The following SGCZ variants were observed in gnomAD, a reference collection of about 807,000 sequenced individuals.
SGCZ encodes the protein zeta-sarcoglycan.
Under a neutral mutation model 41.3 loss-of-function variants are expected in SGCZ, and 40 were observed. The ratio of observed to expected loss-of-function variants is 0.97; its 90% confidence interval spans 0.75 to 1.26. SGCZ has a LOEUF of 1.26. Among genes scored for constraint, SGCZ ranks in the 50% most tolerant of loss-of-function variants. SGCZ has a pLI of 0.00. For synonymous variants in SGCZ, 206 were observed against 137.5 expected (o/e 1.50, Z -3.49); for missense variants, 552 against 369.8 (o/e 1.49, Z -4.04).
intron 2 of SGCZ, among the ~76,000 whole-genome samples, chr8:14,505,237 T>C (rs781525303): frequency 2.8e-4 from 42 of 152,140 alleles, no homozygotes; most frequent in Non-Finnish European, 4.6e-4. Flanking sequence ...TTTATTGAAG[T>C]TGTCAAGTAC....
rs181967846 is a variant in SGCZ, at chr8:14,210,835, A to G, written c.424+26757T>C. On this transcript the variant is annotated intron_variant, in intron 4 of 7. Transcript: ENST00000382080. ...CTATTTGCCAAAGATTGTTCTTTAC[A>G]GCAACCAGTTAGATAACTGCATCAT... Among the ~76,000 whole-genome samples, 674 of 152,308 alleles carry G rather than the reference A, an allele frequency of 4.4e-3. 4 individuals are homozygous for G. Among genetic ancestry groups the G allele is most frequent in the Admixed American group, 6.7e-3 (102 of 15,302 alleles).
chr8:14,338,271 A>G (rs938164744), intron 2 of SGCZ, among the ~76,000 whole-genome samples: 1 of 152,210 alleles, frequency 6.6e-6, no homozygotes, highest in Non-Finnish European at 1.5e-5. Flanking sequence ...TTCTGGTCTC[A>G]TTTCAATGAA....
chr8:14,241,550 T>TC (rs1025885876), intron 3 of SGCZ, among the ~76,000 whole-genome samples: 28 of 150,562 alleles, frequency 1.9e-4, no homozygotes, highest in African/African-American at 6.8e-4. Flanking sequence ...ATCTTTTTTT[T>TC]TTGGAAAAAG....
chr8:14,495,840 G>T (rs556871332), intron 2 of SGCZ, among the ~76,000 whole-genome samples: 28 of 152,170 alleles, frequency 1.8e-4, no homozygotes, highest in African/African-American at 6.7e-4. Context: ...AGTTTCAGGG[G>T]ACTAAATTTC....
chr8:14,101,755 A>G (rs1802028233), intron 7 of SGCZ, among the ~76,000 whole-genome samples: 1 of 151,914 alleles, frequency 6.6e-6, no homozygotes, highest in Non-Finnish European at 1.5e-5. Flanking sequence ...AACTTTCTGA[A>G]TATCAAGATA....
In SGCZ at chr8:15,097,797, CGTGTATATATATATATACGT is replaced by C. The variant is rs1563123802; in HGVS notation, c.39+139768_39+139787del. On this transcript the variant is annotated intron_variant, in intron 1 of 7. Coordinates refer to ENST00000382080, the MANE Select transcript of SGCZ (RefSeq NM_139167.4). ...ATATATATACGTGTATATATATATA[CGTGTATATATATATATACGT>C]GTGTGTATATATATATACGTGTGTG... Among the ~76,000 whole-genome samples, 382 of 108,474 alleles carry C rather than the reference CGTGTATATATATATATACGT, an allele frequency of 3.5e-3. 5 individuals are homozygous for C. Among genetic ancestry groups the C allele is most frequent in the South Asian group, 5.4e-3 (20 of 3,688 alleles). The allele number at this position is 108,474 out of a possible 152,430, so 71.2% of individuals were successfully genotyped here. A position where few individuals can be genotyped will look rare whatever the true frequency, so the allele number is the denominator to read the frequency against.
chr8:14,189,923 T>C (rs908435671), intron 4 of SGCZ, among the ~76,000 whole-genome samples: 3 of 152,300 alleles, frequency 2.0e-5, no homozygotes, highest in Admixed American at 1.3e-4. Context: ...AAAATTTGTT[T>C]ATTTAATAAG....
intron 1 of SGCZ, among the ~76,000 whole-genome samples, chr8:14,673,360 G>A (rs11203660): frequency 0.53 from 80,811 of 151,978 alleles, 22,808 homozygotes; most frequent in East Asian, 0.74. Flanking sequence ...TAATGAGGGA[G>A]TTCTCATGAG....
chr8:14,670,116 A>T (rs1002393793), intron 1 of SGCZ, among the ~76,000 whole-genome samples: 1 of 152,198 alleles, frequency 6.6e-6, no homozygotes, highest in Non-Finnish European at 1.5e-5. Flanking sequence ...TGTTTTTGAC[A>T]GTTTTATTAA....
At chr8:14,209,785 C>T (rs770320431) in intron 4 of SGCZ, among the ~76,000 whole-genome samples, 3 of 151,962 alleles carry the variant, frequency 2.0e-5, no homozygotes, top group East Asian at 3.9e-4. Context: ...ATCAAAGTTA[C>T]GTTGGTATTT....
chr8:14,603,633 AG>A (rs1805660151), intron 1 of SGCZ, among the ~76,000 whole-genome samples: 1 of 152,190 alleles, frequency 6.6e-6, no homozygotes, highest in African/African-American at 2.4e-5. Context: ...TTATATGGTG[AG>A]ATAGAAAGAC....
At chr8:14,353,921 C>T (rs1261549135) in intron 2 of SGCZ, among the ~76,000 whole-genome samples, 1 of 152,080 alleles carries the variant, frequency 6.6e-6, no homozygotes, top group African/African-American at 2.4e-5. Context: ...AGAGCTACTT[C>T]TCTGGACTTA....
chr8:14,584,463 G>A lies in SGCZ; in HGVS notation c.40-29537C>T, dbSNP rs554432276. ...GCATGTTTAACAGAGAATACAGGAG[G>A]AATTTGAGCTAGTGACTACATATAT... On this transcript the variant is annotated intron_variant, in intron 1 of 7. Transcript: ENST00000382080. Among the ~76,000 whole-genome samples the A allele has an allele frequency of 1.1e-3, 164 of 152,184 alleles. 2 individuals carry two copies. Among genetic ancestry groups the A allele is most frequent in the African/African-American group, 3.9e-3 (162 of 41,544 alleles).
At chr8:14,992,809 G>T (rs1481895574) in intron 1 of SGCZ, among the ~76,000 whole-genome samples, 1 of 137,606 alleles carries the variant, frequency 7.3e-6, no homozygotes, top group Non-Finnish European at 1.5e-5. Context: ...TGTTACCCTT[G>T]ATATTTACCC....
intron 1 of SGCZ, among the ~76,000 whole-genome samples, chr8:14,560,012 A>G (rs189998167): frequency 1.2e-3 from 190 of 152,232 alleles, no homozygotes; most frequent in Non-Finnish European, 1.6e-3. Context: ...TTTGGTAGAA[A>G]TTTCAAGGTT....
At chr8:15,103,451 G>C (rs564482511) in intron 1 of SGCZ, among the ~76,000 whole-genome samples, 42 of 149,286 alleles carry the variant, frequency 2.8e-4, no homozygotes, top group Non-Finnish European at 5.0e-4. Flanking sequence ...AAGAGCCATA[G>C]CAAAACCAGT....
At chr8:15,113,006 T>G (rs1807128401) in intron 1 of SGCZ, among the ~76,000 whole-genome samples, 1 of 152,010 alleles carries the variant, frequency 6.6e-6, no homozygotes. Context: ...CCCAGGAGTT[T>G]GAGACCAGCC....
chr8:14,989,320 G>C (rs576221127), intron 1 of SGCZ, among the ~76,000 whole-genome samples: 33 of 152,136 alleles, frequency 2.2e-4, no homozygotes, highest in Middle Eastern at 3.4e-3. Flanking sequence ...CAACGTACCA[G>C]AAAGATAAAT....
intron 1 of SGCZ, among the ~76,000 whole-genome samples, chr8:14,733,920 G>A (rs1241195249): frequency 1.3e-5 from 2 of 152,110 alleles, no homozygotes; most frequent in African/African-American, 4.8e-5. Context: ...ATACTTGTCT[G>A]GATACTCAAT....
Sources: allele counts gnomAD v4.1 joint callset (sites outside exome capture counted in the v4.1 genomes callset), GRCh38; gene constraint gnomAD v4.1.1; transcripts MANE v1.5; gene names NCBI Gene and HGNC (gene_info 2026-07-23, HGNC 2026-07-21).